Variants in COLGALT2 observed in about 807,000 individuals in gnomAD.
COLGALT2 encodes collagen beta(1-O)galactosyltransferase 2, also known as procollagen galactosyltransferase 2.
A neutral mutation model predicts 73.4 loss-of-function variants in COLGALT2; 49 were observed. The ratio of observed to expected loss-of-function variants is 0.67; its 90% CI spans 0.53 to 0.85. COLGALT2 has a LOEUF of 0.85. Ranked by LOEUF, COLGALT2 falls within the 40% of genes least tolerant of loss-of-function variation. The pLI is 0.00. For synonymous variants in COLGALT2, 295 were observed against 307.6 expected (o/e 0.96, Z 0.43); for missense variants, 722 against 790.2 (o/e 0.91, Z 1.03).
chr1:183,961,929 A>T (rs1165579668), intron 6 of COLGALT2, among the ~76,000 whole-genome samples: 1 of 152,160 alleles, frequency 6.6e-6, no homozygotes, highest in Non-Finnish European at 1.5e-5. Flanking sequence ...ACAGTGAACC[A>T]GCTCCTTATT....
At chr1:184,026,871 C>CTATTA (rs57638003) in intron 1 of COLGALT2, among the ~76,000 whole-genome samples, 5,038 of 152,178 alleles carry the variant, frequency 0.033, 261 homozygotes, top group African/African-American at 0.11. Flanking sequence ...TCCCTGTACT[C>CTATTA]TAAGATGTTC....
At chr1:183,988,349 C>T (rs925637079) in intron 1 of COLGALT2, among the ~76,000 whole-genome samples, 1 of 152,228 alleles carries the variant, frequency 6.6e-6, no homozygotes, top group Non-Finnish European at 1.5e-5. Flanking sequence ...TTACTAACAA[C>T]TTTATTGAGA....
intron 2 of COLGALT2, among the ~76,000 whole-genome samples, chr1:183,976,487 A>G (rs1225527394): frequency 1.3e-5 from 2 of 151,760 alleles, no homozygotes; most frequent in Non-Finnish European, 2.9e-5. Flanking sequence ...GCTTTCAATA[A>G]ATGACTTCTC....
At chr1:183,939,198 T>G (rs1174100972) in intron 11 of COLGALT2, among the ~76,000 whole-genome samples, 161 bp from the exon 12 acceptor site, 1 of 152,210 alleles carries the variant, frequency 6.6e-6, no homozygotes, top group Non-Finnish European at 1.5e-5. Flanking sequence ...CAAATATTTC[T>G]TTAAAAGCTT....
In COLGALT2 at chr1:183,944,317, C is replaced by T. The variant is rs1340728470; in HGVS notation, c.1276G>A (p.Asp426Asn). The T allele has an allele frequency of 1.9e-6, 3 of 1,611,790 alleles. No individual in the cohort carries two copies. Among genetic ancestry groups the T allele is most frequent in the Non-Finnish European group, 2.5e-6 (3 of 1,179,356 alleles). The change falls in exon 10 of 12, where the codon GAT becomes AAT. Residue 426 changes from aspartate (D) to asparagine (N), a missense_variant. Physicochemically the swap from Asp to Asn is conservative, Grantham distance 23 (BLOSUM62 1). Transcript: ENST00000361927. ...ACAAGAGTCTTCTCTAGCTCTCGATCAATTACCTGCAAAAGTCATCAGTAG... is the reference window on the plus strand; with the variant it reads ...ACAAGAGTCTTCTCTAGCTCTCGATTAATTACCTGCAAAAGTCATCAGTAG... ...SHYSVWKEVI[D>N]RELEKTLVIE...
At chr1:183,934,560 T>C (rs1669909214), downstream of COLGALT2, among the ~76,000 whole-genome samples, 1 of 152,264 alleles carries the variant, frequency 6.6e-6, no homozygotes, top group Non-Finnish European at 1.5e-5. Context: ...TGCTATTTTC[T>C]TCTCATATAG....
chr1:184,005,209 C>G (rs1672040220), intron 1 of COLGALT2, among the ~76,000 whole-genome samples: 1 of 152,124 alleles, frequency 6.6e-6, no homozygotes, highest in South Asian at 2.1e-4. Flanking sequence ...CCAAACTTCT[C>G]CAGGCTCCCT....
rs1376773155 is a variant in COLGALT2, at chr1:183,937,142, C to T, written c.*1619G>A. 13 of 1,228,836 alleles carry T rather than the reference C, an allele frequency of 1.1e-5. No individual in the cohort carries two copies. In the Admixed American group the frequency reaches 1.7e-4, roughly 16 times the overall value. 76.1% of individuals were successfully genotyped at this position (1,228,836 alleles called of 1,614,324 possible). On this transcript the variant is annotated 3_prime_UTR_variant, in exon 12 of 12. Coordinates refer to ENST00000361927, the MANE Select transcript of COLGALT2 (RefSeq NM_015101.4). The stretch of plus-strand genomic sequence containing the variant: ...CTAAGCTTGTGTATGTAGCACCACC[C>T]GCCTGTGGACTCTGCTCTGAAGGGC...
intron 3 of COLGALT2, 58 bp downstream of exon 3, chr1:183,975,039 G>A (rs944121967): frequency 5.0e-5 from 61 of 1,230,670 alleles, no homozygotes; most frequent in Admixed American, 7.2e-5. Flanking sequence ...GTTTTTGGAC[G>A]ACTGATTTGG....
intron 1 of COLGALT2, among the ~76,000 whole-genome samples, chr1:184,018,931 T>C (rs375607391): frequency 6.6e-6 from 1 of 152,204 alleles, no homozygotes; most frequent in Non-Finnish European, 1.5e-5. Context: ...CATGGGACCA[T>C]ACATCTGCCT....
At chr1:183,964,344 T>C (rs2102808057) in intron 5 of COLGALT2, 1 of 367,776 alleles carries the variant, frequency 2.7e-6, no homozygotes, top group Non-Finnish European at 4.8e-6. Context: ...ATTCCCATTC[T>C]GGAGAGCAGA....
intron 6 of COLGALT2, among the ~76,000 whole-genome samples, chr1:183,957,778 GTTTTTT>G (rs367921171): frequency 3.4e-5 from 4 of 118,920 alleles, no homozygotes; most frequent in African/African-American, 9.5e-5. Context: ...TTTTGTGGTG[GTTTTTT>G]TTTTTTTTTT....
rs888918045 is a variant in COLGALT2, at chr1:183,938,180, G to A, written c.*581C>T. ...TCGGACCCAAATACCCACCCCTACT[G>A]GATAACAGGGACTAAGATTTTTTTT... On this transcript the variant is annotated 3_prime_UTR_variant, in exon 12 of 12. Transcript: ENST00000361927. 3 of 984,072 alleles carry A rather than the reference G, an allele frequency of 3.0e-6. No homozygotes were observed. Among genetic ancestry groups the A allele is most frequent in the Non-Finnish European group, 3.6e-6 (3 of 830,508 alleles). The allele number at this position is 984,072 out of a possible 1,614,324, so 61.0% of individuals were successfully genotyped here.
chr1:184,006,955 G>T (rs568645660), intron 1 of COLGALT2, among the ~76,000 whole-genome samples: 196 of 152,270 alleles, frequency 1.3e-3, no homozygotes, highest in Non-Finnish European at 2.1e-3. Flanking sequence ...AGTGAACTTG[G>T]TTGTTCATTC....
rs900637340 is a variant in COLGALT2, at chr1:183,936,305, T to C, written c.*2456A>G. On this transcript the variant is annotated 3_prime_UTR_variant, in exon 12 of 12. Transcript: ENST00000361927. ...AGGAACCTCTGGATTGCTGAAGAGA[T>C]GACTTTAAAAAAAAAGTCACATCTG... 2.0e-6 allele frequency: 2 copies of C among 985,378 alleles called. No individual in the cohort carries two copies. Among genetic ancestry groups the C allele is most frequent in the African/African-American group, 3.5e-5 (2 of 57,140 alleles). The allele number at this position is 985,378 out of a possible 1,614,324, so 61.0% of individuals were successfully genotyped here.
chr1:184,032,439 G>C (rs1649541577), intron 1 of COLGALT2, among the ~76,000 whole-genome samples: 1 of 152,166 alleles, frequency 6.6e-6, no homozygotes, highest in East Asian at 1.9e-4. Flanking sequence ...GTTACTATTA[G>C]TTATTTGAAG....
intron 11 of COLGALT2, 34 bp from the exon 12 acceptor site, chr1:183,939,071 G>T: frequency 6.4e-7 from 1 of 1,560,018 alleles, no homozygotes; most frequent in Non-Finnish European, 8.8e-7. Context: ...CACATGAGGG[G>T]GCGGAAAGGA....
chr1:184,029,947 T>A (rs759740956), intron 1 of COLGALT2, among the ~76,000 whole-genome samples: 1 of 152,224 alleles, frequency 6.6e-6, no homozygotes, highest in Non-Finnish European at 1.5e-5. Flanking sequence ...ACACTCATAT[T>A]TGGGTTAAAA....
intron 1 of COLGALT2, among the ~76,000 whole-genome samples, chr1:184,022,923 C>T (rs1186387544): frequency 6.6e-6 from 1 of 152,132 alleles, no homozygotes; most frequent in Non-Finnish European, 1.5e-5. Flanking sequence ...CACCACATTT[C>T]AGGGAAACAA....
Sources: gnomAD v4.1 joint callset for allele counts (sites outside exome capture counted in the v4.1 genomes callset) on GRCh38, gnomAD v4.1.1 for gene constraint, MANE v1.5 for transcripts, NCBI Gene and HGNC (gene_info 2026-07-23, HGNC 2026-07-21) for gene names.